C1QTNF7: variants seen among roughly 807,000 people sequenced by gnomAD.
C1QTNF7 encodes the protein C1q and TNF related 7, also known as complement C1q tumor necrosis factor-related protein 7.
A neutral mutation model predicts 19.6 loss-of-function variants in C1QTNF7; 15 were observed. The observed-to-expected ratio is 0.76, with a 90% confidence interval of 0.51 to 1.18. C1QTNF7 has a LOEUF of 1.18. Ranked by LOEUF, C1QTNF7 falls within the 50% of genes most tolerant of loss-of-function variation. C1QTNF7 has a pLI of 0.00. For missense variants in C1QTNF7, 324 were observed against 359.7 expected, an observed-to-expected ratio of 0.90 and a Z score of 0.80; for synonymous variants, 142 against 137.5, an observed-to-expected ratio of 1.03 and a Z score of -0.23.
At chr4:15,379,666 A>C (rs1406706954) in intron 1 of C1QTNF7, among the ~76,000 whole-genome samples, 1 of 152,200 alleles carries the variant, frequency 6.6e-6, no homozygotes, top group Non-Finnish European at 1.5e-5. Context: ...ATTCTATTTC[A>C]GCAAAGGAAG....
At chr4:15,413,111 T>C (rs1719464412) in intron 1 of C1QTNF7, among the ~76,000 whole-genome samples, 2 of 152,210 alleles carry the variant, frequency 1.3e-5, no homozygotes, top group South Asian at 2.1e-4. Context: ...ACACCAAATT[T>C]GATCAAAATG....
chr4:15,379,105 T>C (rs1447176462), intron 1 of C1QTNF7, among the ~76,000 whole-genome samples: 1 of 152,240 alleles, frequency 6.6e-6, no homozygotes, highest in Non-Finnish European at 1.5e-5. Context: ...AGTACTGTTA[T>C]TTTTTGCTTA....
chr4:15,375,149 G>A (rs772457281), intron 1 of C1QTNF7, among the ~76,000 whole-genome samples: 2 of 151,914 alleles, frequency 1.3e-5, no homozygotes, highest in Non-Finnish European at 2.9e-5. Flanking sequence ...AATTGTCATC[G>A]TGTCCATTCC....
chr4:15,354,099 G>A (rs1034735931), intron 1 of C1QTNF7, among the ~76,000 whole-genome samples: 14 of 152,014 alleles, frequency 9.2e-5, no homozygotes, highest in Admixed American at 3.3e-4. Flanking sequence ...ACCCAAACCC[G>A]TTCTCCAACT....
At chr4:15,364,633 A>T (rs1434842957) in intron 1 of C1QTNF7, among the ~76,000 whole-genome samples, 1 of 152,212 alleles carries the variant, frequency 6.6e-6, no homozygotes, top group Non-Finnish European at 1.5e-5. Context: ...AATTGTAATA[A>T]CTTCACATAT....
chr4:15,355,894 G>A lies in C1QTNF7; in HGVS notation c.13+15687G>A, dbSNP rs143497518. ...TTTTTAAAAGACAGGGTACCACTAC[G>A]TTGTCCAAGCTGGAGTGCAGTGGCC... On this transcript the variant is annotated intron_variant, in intron 1 of 2. Transcript: ENST00000295297. Among the ~76,000 whole-genome samples, 613 of 152,140 alleles carry A rather than the reference G, an allele frequency of 4.0e-3. 5 individuals are homozygous for A. The highest frequency in any genetic ancestry group is 0.014 in the African/African-American group (579 of 41,518).
intron 1 of C1QTNF7, among the ~76,000 whole-genome samples, chr4:15,398,707 A>G (rs917921069): frequency 2.0e-5 from 3 of 152,246 alleles, no homozygotes; most frequent in African/African-American, 7.2e-5. Flanking sequence ...TTGCCTGCTC[A>G]GAAGAAAGAA....
chr4:15,416,764 C>A (rs1331677993), intron 1 of C1QTNF7, among the ~76,000 whole-genome samples: 4 of 152,196 alleles, frequency 2.6e-5, no homozygotes, highest in Non-Finnish European at 5.9e-5. Flanking sequence ...GTTAGCATTG[C>A]ATTATTGCAT....
rs150586254 is a variant in C1QTNF7 at position 15,373,199 on chromosome 4, G to A, written c.13+32992G>A. Reference sequence around the variant, plus strand: ...GTGAGGGCTCTGTCTCTGCTTCCAAGATGGCACCTTGTTGCTAAGTCCTCC... The same window carrying A: ...GTGAGGGCTCTGTCTCTGCTTCCAAAATGGCACCTTGTTGCTAAGTCCTCC... On this transcript the variant is annotated intron_variant, in intron 1 of 2. Coordinates refer to the C1QTNF7 transcript ENST00000295297. Among the ~76,000 whole-genome samples the A allele has an allele frequency of 2.5e-3, 388 of 152,336 alleles. 4 individuals are homozygous for A. Among genetic ancestry groups the A allele is most frequent in the African/African-American group, 8.8e-3 (365 of 41,562 alleles).
intron 1 of C1QTNF7, among the ~76,000 whole-genome samples, chr4:15,371,908 G>C (rs181944083): frequency 6.6e-6 from 1 of 152,062 alleles, no homozygotes; most frequent in Non-Finnish European, 1.5e-5. Context: ...TTGCCTCCAG[G>C]CAACTCAATA....
At chr4:15,340,197 G>T in exon 1 of C1QTNF7, 1 of 1,551,612 alleles carries the variant, frequency 6.4e-7, no homozygotes, top group Non-Finnish European at 8.7e-7. Flanking sequence ...TATCAGCAAT[G>T]TCCAGACAAG....
chr4:15,371,746 A>G (rs557187811), intron 1 of C1QTNF7, among the ~76,000 whole-genome samples: 51 of 152,202 alleles, frequency 3.4e-4, no homozygotes, highest in Admixed American at 1.2e-3. Flanking sequence ...AGTTTGAACT[A>G]ATGAAGGGAC....
In C1QTNF7 at chr4:15,432,812, G is replaced by A. The variant is rs763856412; in HGVS notation, c.-8-2924G>A. On this transcript the variant is annotated intron_variant, in intron 1 of 2. Coordinates refer to ENST00000444304, the MANE Select transcript of C1QTNF7 (RefSeq NM_031911.5). ...CCTATACAGGCAGTAGTATTCTTCCGCACTTGTCATAAAAGCAATCTATTT... is the reference window on the plus strand; with the variant it reads ...CCTATACAGGCAGTAGTATTCTTCCACACTTGTCATAAAAGCAATCTATTT... Among the ~76,000 whole-genome samples the A allele has an allele frequency of 1.8e-4, 28 of 152,128 alleles. 1 individual carries two copies. The highest frequency in any genetic ancestry group is 3.4e-4 in the Non-Finnish European group (23 of 68,028).
intron 1 of C1QTNF7, among the ~76,000 whole-genome samples, chr4:15,361,523 C>T (rs546298732): frequency 3.3e-5 from 5 of 152,060 alleles, no homozygotes; most frequent in African/African-American, 1.2e-4. Flanking sequence ...ATACTCTCTG[C>T]CATTACCATA....
In C1QTNF7 at chr4:15,390,078, C is replaced by A. The variant is rs535683356; in HGVS notation, c.14-45658C>A. Among the ~76,000 whole-genome samples the A allele has an allele frequency of 2.6e-5, 4 of 152,190 alleles. No individual in the cohort carries two copies. In the South Asian group the frequency reaches 8.3e-4, roughly 32 times the overall value. On this transcript the variant is annotated intron_variant, in intron 1 of 2. Coordinates refer to the C1QTNF7 transcript ENST00000295297. The stretch of plus-strand genomic sequence containing the variant: ...AAGGGAGGAATTTGTCCGCTGTATA[C>A]AAGACTATTCAACCAGAGAAACAGA...
intron 1 of C1QTNF7, among the ~76,000 whole-genome samples, chr4:15,350,998 T>C (rs1046679738): frequency 3.9e-5 from 6 of 152,212 alleles, no homozygotes; most frequent in Non-Finnish European, 7.3e-5. Context: ...AAGCCGTCAG[T>C]TTCCAGGCTC....
chr4:15,430,061 T>C (rs561682901), intron 1 of C1QTNF7, among the ~76,000 whole-genome samples: 14 of 152,338 alleles, frequency 9.2e-5, no homozygotes, highest in African/African-American at 3.4e-4. Flanking sequence ...ATGGCTAGTT[T>C]AGCGAGAACA....
intron 1 of C1QTNF7, among the ~76,000 whole-genome samples, chr4:15,433,799 A>G (rs1242258300): frequency 1.3e-5 from 2 of 152,158 alleles, no homozygotes. Flanking sequence ...CCCCCTGAGG[A>G]AGGGCTTTAA....
At chr4:15,397,757 T>G (rs1168397987) in intron 1 of C1QTNF7, among the ~76,000 whole-genome samples, 1 of 152,220 alleles carries the variant, frequency 6.6e-6, no homozygotes, top group Non-Finnish European at 1.5e-5. Flanking sequence ...TTCTATGCAC[T>G]CAGCTCCACT....
Sources: gnomAD v4.1 joint callset for allele counts (sites outside exome capture counted in the v4.1 genomes callset) on GRCh38, gnomAD v4.1.1 for gene constraint, MANE v1.5 for transcripts, NCBI Gene and HGNC (gene_info 2026-07-23, HGNC 2026-07-21) for gene names.